KRT8: variants seen among roughly 807,000 people sequenced by gnomAD.
KRT8 encodes the protein keratin 8.
In KRT8, 24 loss-of-function variants were observed where a neutral mutation model predicts 43.0. That is an observed-to-expected ratio of 0.56 (90% confidence interval 0.40 to 0.78). KRT8 has a LOEUF of 0.78. Among genes scored for constraint, KRT8 ranks in the 30% least tolerant of loss-of-function variants. The pLI, the probability that KRT8 is intolerant of heterozygous loss-of-function variation, is 0.00. For missense variants in KRT8, 492 were observed against 638.4 expected (o/e 0.77, Z 2.47); for synonymous variants, 214 against 261.2 (o/e 0.82, Z 1.74).
At chr12:52,909,078 A>G (rs1367849824), upstream of KRT8, among the ~76,000 whole-genome samples, 2 of 152,262 alleles carry the variant, frequency 1.3e-5, no homozygotes, top group African/African-American at 4.8e-5. Flanking sequence ...TGAACATACT[A>G]AAAATCACTG....
chr12:52,945,588 T>C (rs1942330834), intron 2 of KRT8, among the ~76,000 whole-genome samples: 1 of 152,082 alleles, frequency 6.6e-6, no homozygotes, highest in Non-Finnish European at 1.5e-5. Flanking sequence ...CTCAAGCCCT[T>C]TGTGGGAGAA....
intron 2 of KRT8, among the ~76,000 whole-genome samples, chr12:52,931,657 CATAT>C (rs34460731): frequency 2.0e-5 from 3 of 147,182 alleles, no homozygotes; most frequent in African/African-American, 2.5e-5. Flanking sequence ...ATTGGCTCCC[CATAT>C]ATATATATAT....
upstream of KRT8, among the ~76,000 whole-genome samples, chr12:52,908,249 G>A (rs117633742): frequency 0.023 from 3,518 of 151,848 alleles, 72 homozygotes; most frequent in Admixed American, 0.051. Flanking sequence ...TTTTTGAGAC[G>A]GAGTCTCGCT....
intron 2 of KRT8, among the ~76,000 whole-genome samples, chr12:52,923,355 T>C (rs933674552): frequency 3.9e-5 from 6 of 152,242 alleles, no homozygotes; most frequent in African/African-American, 1.4e-4. Flanking sequence ...TGCTCCTCTC[T>C]GAGCTACAGT....
At chr12:52,919,442 A>T (rs1451800460) in intron 2 of KRT8, among the ~76,000 whole-genome samples, 1 of 150,148 alleles carries the variant, frequency 6.7e-6, no homozygotes, top group Non-Finnish European at 1.5e-5. Context: ...AAGTTTTTGT[A>T]TTTTTAGTAG....
At chr12:52,915,590 G>A (rs921010126) in intron 2 of KRT8, among the ~76,000 whole-genome samples, 3 of 151,878 alleles carry the variant, frequency 2.0e-5, no homozygotes, top group African/African-American at 7.3e-5. Context: ...CATGCCTGTA[G>A]TCCCAGCTAC....
chr12:52,897,648 T>C lies in KRT8; in HGVS notation c.1262-30A>G, dbSNP rs367622183. On this transcript the variant is annotated intron_variant, in intron 7 of 7. Coordinates refer to ENST00000692008, the Ensembl canonical transcript of KRT8. ...TGAGGGACAGAGGTAGCCACATGAG[T>C]ACAGAAGCCCACCCCATGGCAGGCT... is the stretch of plus-strand genomic sequence containing the variant. 4 of 1,597,466 alleles carry C rather than the reference T, an allele frequency of 2.5e-6. No homozygotes were observed. In the African/African-American group the frequency reaches 5.3e-5, roughly 21 times the overall value.
chr12:52,917,712 A>AAAAG (rs1555188203), intron 2 of KRT8, among the ~76,000 whole-genome samples: 1 of 95,902 alleles, frequency 1.0e-5, no homozygotes, highest in Non-Finnish European at 2.3e-5. Flanking sequence ...CTGTCTCAAA[A>AAAAG]AAAAAAAAAA....
rs137879999 is a variant in KRT8 at position 52,943,207 on chromosome 12, C to T, written c.-47+6249G>A. ...GCCTCCCGATTTCTCCTGTCCGTCG[C>T]TGATAAACTGCTTGAAAGAAAAGTC... is the stretch of plus-strand genomic sequence containing the variant. On this transcript the variant is annotated intron_variant, in intron 2 of 6. Transcript: ENST00000546826. 1.8e-4 allele frequency among the ~76,000 whole-genome samples: 27 copies of T among 152,290 alleles called. 2 individuals carry two copies. The East Asian group carries it at 5.2e-3, about 29-fold the overall frequency.
At chr12:52,927,406 T>C (rs1942012497) in intron 2 of KRT8, among the ~76,000 whole-genome samples, 1 of 152,134 alleles carries the variant, frequency 6.6e-6, no homozygotes. Flanking sequence ...GCCTGGACAC[T>C]TGGAATTCCT....
intron 5 of KRT8, among the ~76,000 whole-genome samples, chr12:52,899,209 G>C (rs756989140): frequency 6.6e-6 from 1 of 152,186 alleles, no homozygotes; most frequent in Non-Finnish European, 1.5e-5. Flanking sequence ...CAGCTACTCA[G>C]GAGGCTGAGT....
chr12:52,932,712 G>T (rs1399331022), intron 2 of KRT8, among the ~76,000 whole-genome samples: 1 of 152,024 alleles, frequency 6.6e-6, no homozygotes, highest in African/African-American at 2.4e-5. Context: ...GCTAAGGCAG[G>T]AGGATCACTT....
intron 1 of KRT8, among the ~76,000 whole-genome samples, chr12:52,902,899 C>T (rs1176393835): frequency 6.6e-6 from 1 of 152,054 alleles, no homozygotes; most frequent in African/African-American, 2.4e-5. Flanking sequence ...GTAGTCCCAG[C>T]TACTCGGGAG....
exon 8 of KRT8, chr12:52,897,515 G>A (rs370257468): frequency 6.3e-7 from 1 of 1,598,878 alleles, no homozygotes; most frequent in Non-Finnish European, 8.5e-7. Flanking sequence ...TGGAGGAGCT[G>A]GTGCGGCTGA....
chr12:52,945,520 T>C (rs887985083), intron 2 of KRT8, among the ~76,000 whole-genome samples: 1 of 152,178 alleles, frequency 6.6e-6, no homozygotes, highest in East Asian at 1.9e-4. Context: ...ACTGCAGGCC[T>C]TCCAATCCTC....
At chr12:52,898,518 G>A (rs1437037246) in exon 7 of KRT8, 2 of 1,614,058 alleles carry the variant, frequency 1.2e-6, no homozygotes, top group Non-Finnish European at 8.5e-7. Flanking sequence ...CCAGACTCCA[G>A]CCTGTACCCA....
At chr12:52,922,276 C>T (rs755952544) in intron 2 of KRT8, among the ~76,000 whole-genome samples, 4 of 150,310 alleles carry the variant, frequency 2.7e-5, no homozygotes, top group Non-Finnish European at 5.9e-5. Context: ...AGCCATGTCT[C>T]TCCTCCCCAC....
chr12:52,924,869 T>C (rs1941959705), intron 2 of KRT8, among the ~76,000 whole-genome samples: 1 of 152,134 alleles, frequency 6.6e-6, no homozygotes, highest in South Asian at 2.1e-4. Flanking sequence ...CAGAGGAGCA[T>C]CCTCTCCTTA....
chr12:52,903,026 A>T (rs1186327301), intron 1 of KRT8, among the ~76,000 whole-genome samples: 1 of 152,098 alleles, frequency 6.6e-6, no homozygotes, highest in Admixed American at 6.5e-5. Flanking sequence ...AAACAAAAAA[A>T]CTTGTAACTC....
Sources: allele counts gnomAD v4.1 joint callset (sites outside exome capture counted in the v4.1 genomes callset), GRCh38; gene constraint gnomAD v4.1.1; transcripts MANE v1.5; gene names NCBI Gene and HGNC (gene_info 2026-07-23, HGNC 2026-07-21).